RETNLB: variants seen among roughly 807,000 people sequenced by gnomAD.
RETNLB encodes the protein resistin-like beta.
RETNLB carries 11 observed loss-of-function variants against 6.8 expected under a neutral mutation model. The observed-to-expected ratio is 1.62, with a 90% CI of 1.02 to 2.68. The LOEUF is 2.68. Ranked by LOEUF, RETNLB falls within the 30% of genes most tolerant of loss-of-function variation. The pLI, the probability that RETNLB is intolerant of heterozygous loss-of-function variation, is 0.00. For synonymous variants in RETNLB, 57 were observed against 54.2 expected, an observed-to-expected ratio of 1.05 and a Z score of -0.23; for missense variants, 146 against 135.7, an observed-to-expected ratio of 1.08 and a Z score of -0.38.
rs142280306 is a variant in RETNLB, at chr3:108,755,838, G to T, written c.276C>A (p.Thr92=). The T allele has an allele frequency of 3.5e-5, 57 of 1,614,128 alleles. No individual in the cohort carries two copies. Among genetic ancestry groups the T allele is most frequent in the Non-Finnish European group, 4.7e-5 (55 of 1,180,002 alleles). Reference sequence around the variant, plus strand: ...CCACCACACTGCACTGGCAGTGGCAGGTGGTTTCCAGCTGAACATCCCACG... The same window carrying T: ...CCACCACACTGCACTGGCAGTGGCATGTGGTTTCCAGCTGAACATCCCACG... ...CGSWDVQLET[T]CHCQCSVVDW... Residue 92 remains threonine, a synonymous_variant, in exon 3 of 3, where the codon ACC becomes ACA. Coordinates refer to ENST00000295755, the MANE Select transcript of RETNLB (RefSeq NM_032579.3).
In RETNLB at chr3:108,756,016, G is replaced by A. The variant is rs189252198; in HGVS notation, c.209-111C>T. On this transcript the variant is annotated intron_variant, in intron 2 of 2. Transcript: ENST00000295755. ...GCAGTCAGGGGTAGAGCTAGGTTTC[G>A]TGGGGCCTCAAGCTCATTCAATTTT... 536 of 1,231,796 alleles carry A rather than the reference G, an allele frequency of 4.4e-4. 5 individuals carry two copies. Among genetic ancestry groups the A allele is most frequent in the Middle Eastern group, 8.2e-4 (4 of 4,864 alleles). The allele number at this position is 1,231,796 out of a possible 1,614,324, so 76.3% of individuals were successfully genotyped here.
Position 108,755,702 on chromosome 3 carries a change from G to A in RETNLB, c.*76C>T. The A allele has an allele frequency of 6.6e-7, 1 of 1,516,568 alleles. No individual in the cohort carries two copies. The highest frequency in any genetic ancestry group is 9.1e-7 in the Non-Finnish European group (1 of 1,100,526). 93.9% of individuals were successfully genotyped at this position (1,516,568 alleles called of 1,614,324 possible). A position where few individuals can be genotyped will look rare whatever the true frequency, so the allele number is the denominator to read the frequency against. On this transcript the variant is annotated 3_prime_UTR_variant, in exon 3 of 3. Coordinates refer to ENST00000295755, the MANE Select transcript of RETNLB (RefSeq NM_032579.3). Reference sequence around the variant, plus strand: ...ATGGAACAAATGAAGTGGGACGTTTGAGTTAGATTTCTTGGTTGGGACCCT... The same window carrying A: ...ATGGAACAAATGAAGTGGGACGTTTAAGTTAGATTTCTTGGTTGGGACCCT...
Position 108,757,168 on chromosome 3 carries a change from G to T in RETNLB, c.18C>A (p.Cys6Ter). The T allele has an allele frequency of 6.3e-7, 1 of 1,589,530 alleles. No homozygotes were observed. Among genetic ancestry groups the T allele is most frequent in the Non-Finnish European group, 8.6e-7 (1 of 1,161,852 alleles). MGPSS[C>*]LLLILIPLLQ... The stretch of plus-strand genomic sequence containing the variant: ...GAAGGGGGATTAGGATGAGAAGGAG[G>T]CAAGAGGACGGCCCCATCCTGTACA... Residue 6 changes from cysteine (C) to a stop codon, truncating the protein, a stop_gained, in exon 1 of 3, where the codon TGC becomes TGA. Transcript: ENST00000295755. LOFTEE classifies it high-confidence loss of function.
intron 2 of RETNLB, 73 bp from the exon 3 acceptor site, chr3:108,755,978 C>A (rs895823099): frequency 6.3e-7 from 1 of 1,585,920 alleles, no homozygotes. Context: ...CCACAACCAT[C>A]TTTCAACCCT....
chr3:108,757,166 A>G lies in RETNLB; in HGVS notation c.20T>C (p.Leu7Pro). The change falls in exon 1 of 3, where the codon CTC (leucine) becomes CCC (proline). Residue 7 changes from leucine to proline, a missense_variant. Physicochemically the swap from Leu to Pro is moderately conservative, Grantham distance 98. Coordinates refer to ENST00000295755, the MANE Select transcript of RETNLB (RefSeq NM_032579.3). ...GAGAAGGGGGATTAGGATGAGAAGG[A>G]GGCAAGAGGACGGCCCCATCCTGTA... MGPSSC[L>P]LLILIPLLQL... 2 of 1,566,234 alleles carry G rather than the reference A, an allele frequency of 1.3e-6. No individual in the cohort carries two copies. The highest frequency in any genetic ancestry group is 2.3e-5 in the South Asian group (2 of 88,880).
In RETNLB at chr3:108,756,538, T is replaced by G. The variant is rs372494237; in HGVS notation, c.178A>C (p.Ser60Arg). ...GGGCAGGAGGACGGTCTGCCTTGGC[T>G]TTTGACACTAGCACACGAGAGCTTC... ...SKKLSCASVK[S>R]QGRPSSCPAG... is the part of the protein sequence containing the mutation. The change falls in exon 2 of 3, where the codon AGC becomes CGC. Residue 60 changes from serine to arginine, a missense_variant. Physicochemically the swap from Ser to Arg is moderately radical, Grantham distance 110 (BLOSUM62 -1). Transcript: ENST00000295755. 6.2e-7 allele frequency: 1 copy of G among 1,613,480 alleles called. No individual in the cohort carries two copies. Among genetic ancestry groups the G allele is most frequent in the African/African-American group, 1.3e-5 (1 of 74,900 alleles).
chr3:108,757,176 A>G lies in RETNLB; in HGVS notation c.10T>C (p.Ser4Pro). Reference protein sequence around the residue: MGPSSCLLLILIPL... With the variant: MGPPSCLLLILIPL... ...ATTAGGATGAGAAGGAGGCAAGAGG[A>G]CGGCCCCATCCTGTACAGAGTCAGT... Residue 4 changes from serine (S) to proline (P), a missense_variant, in exon 1 of 3, where the codon TCC becomes CCC. Physicochemically the swap from Ser to Pro is moderately conservative, Grantham distance 74 (BLOSUM62 -1). Transcript: ENST00000295755. 1 of 1,613,528 alleles carries G rather than the reference A, an allele frequency of 6.2e-7. No homozygotes were observed. The highest frequency in any genetic ancestry group is 8.5e-7 in the Non-Finnish European group (1 of 1,179,762).
At chr3:108,755,976 A>G in intron 2 of RETNLB, 71 bp from the exon 3 acceptor site, 3 of 1,587,752 alleles carry the variant, frequency 1.9e-6, no homozygotes, top group Non-Finnish European at 2.6e-6. Context: ...ACCCACAACC[A>G]TCTTTCAACC....
rs774050171 is a variant in RETNLB at position 108,756,554 on chromosome 3, C to T, written c.162G>A (p.Ser54=). The T allele has an allele frequency of 8.1e-5, 131 of 1,613,532 alleles. No individual in the cohort carries two copies. The highest frequency in any genetic ancestry group is 1.1e-4 in the Non-Finnish European group (126 of 1,179,516). The change falls in exon 2 of 3, where the codon TCG becomes TCA. Residue 54 remains serine (S), a synonymous_variant. Coordinates refer to ENST00000295755, the MANE Select transcript of RETNLB (RefSeq NM_032579.3). ...TGCCTTGGCTTTTGACACTAGCACA[C>T]GAGAGCTTCTTGCTTATAGGAGAGG... ...YSPSPISKKL[S]CASVKSQGRP...
chr3:108,756,107 A>G (rs1386374257), intron 2 of RETNLB, among the ~76,000 whole-genome samples: 1 of 152,092 alleles, frequency 6.6e-6, no homozygotes, highest in East Asian at 1.9e-4. Context: ...CATGAAAGAG[A>G]CTCATGCAAG....
intron 1 of RETNLB, 39 bp from the exon 2 acceptor site, chr3:108,756,627 T>C: frequency 7.2e-7 from 1 of 1,392,788 alleles, no homozygotes; most frequent in Non-Finnish European, 1.0e-6. Context: ...CCATGAGCTA[T>C]CCTCCCCATA....
chr3:108,756,914 A>G, intron 1 of RETNLB, 145 bp downstream of exon 1: 3 of 923,488 alleles, frequency 3.2e-6, no homozygotes, highest in Non-Finnish European at 4.7e-6. Flanking sequence ...CAAGACTTCA[A>G]ACACGGGTAG....
rs1332449810 is a variant in RETNLB, at chr3:108,757,128, G to T, written c.58C>A (p.Pro20Thr). 6.2e-7 allele frequency: 1 copy of T among 1,612,946 alleles called. No homozygotes were observed. The highest frequency in any genetic ancestry group is 1.3e-5 in the African/African-American group (1 of 74,816). ...TCTAAGGAACACTGAGTACTCCCCGGGTTGATCAGCTGGAGAAGGGGGATT... is the reference window on the plus strand; with the variant it reads ...TCTAAGGAACACTGAGTACTCCCCGTGTTGATCAGCTGGAGAAGGGGGATT... ...ILIPLLQLINPGSTQCSLDSV... is the reference protein window; with the variant it reads ...ILIPLLQLINTGSTQCSLDSV... Residue 20 changes from proline (P) to threonine (T), a missense_variant, in exon 1 of 3, where the codon CCG (proline) becomes ACG (threonine). Physicochemically the swap from Pro to Thr is conservative, Grantham distance 38. Coordinates refer to ENST00000295755, the MANE Select transcript of RETNLB (RefSeq NM_032579.3).
intron 1 of RETNLB, 198 bp downstream of exon 1, chr3:108,756,858 TCTC>T (rs1945253776): frequency 1.6e-6 from 1 of 615,242 alleles, no homozygotes. Context: ...CAGCTACCAT[TCTC>T]CTCCACCTCT....
Position 108,755,792 on chromosome 3 carries a change from A to G in RETNLB, c.322T>C (p.Cys108Arg), listed in dbSNP as rs1945244819. The change falls in exon 3 of 3, where the codon TGC becomes CGC. Residue 108 changes from cysteine to arginine, a missense_variant. Transcript: ENST00000295755. ...SVVDWTTARCCHLT is the reference protein window; with the variant it reads ...SVVDWTTARCRHLT ...CCTCCTCCCTGTCAGGTCAGGTGGC[A>G]GCAGCGGGCAGTGGTCCAGTCCACC... 3.7e-6 allele frequency: 6 copies of G among 1,614,054 alleles called. No homozygotes were observed. The highest frequency in any genetic ancestry group is 4.2e-6 in the Non-Finnish European group (5 of 1,179,912).
At position 108,757,134 on chromosome 3, in the gene RETNLB, T is replaced by G; in HGVS notation, c.52A>C (p.Ile18Leu). The G allele has an allele frequency of 1.3e-6, 2 of 1,588,524 alleles. No individual in the cohort carries two copies. Among genetic ancestry groups the G allele is most frequent in the Non-Finnish European group, 1.7e-6 (2 of 1,157,642 alleles). The change falls in exon 1 of 3, where the codon ATC becomes CTC. Residue 18 changes from isoleucine to leucine, a missense_variant. Ile to Leu is a conservative substitution (Grantham distance 5). Coordinates refer to ENST00000295755, the MANE Select transcript of RETNLB (RefSeq NM_032579.3). ...LLILIPLLQL[I>L]NPGSTQCSLD... ...GAACACTGAGTACTCCCCGGGTTGA[T>G]CAGCTGGAGAAGGGGGATTAGGATG...
In RETNLB at chr3:108,755,863, G is replaced by A. The variant is rs749789641; in HGVS notation, c.251C>T (p.Ser84Leu). ...TGCACGYGCG[S>L]WDVQLETTCH... ...GGTGGTTTCCAGCTGAACATCCCAC[G>A]AACCACAGCCATAGCCACAAGCACA... The change falls in exon 3 of 3, where the codon TCG becomes TTG. Residue 84 changes from serine (S) to leucine (L), a missense_variant. Transcript: ENST00000295755. The A allele has an allele frequency of 4.8e-5, 77 of 1,613,958 alleles. No homozygotes were observed. The highest frequency in any genetic ancestry group is 2.5e-4 in the South Asian group (23 of 91,084).
At chr3:108,756,452 G>A (rs1576500224) in intron 2 of RETNLB, 56 bp downstream of exon 2, 1 of 1,162,044 alleles carries the variant, frequency 8.6e-7, no homozygotes, top group Non-Finnish European at 1.3e-6. Context: ...CAGGGAGATG[G>A]ACAGGGGAGG....
rs376436039 is a variant in RETNLB at position 108,756,481 on chromosome 3, G to A, written c.208+27C>T. On this transcript the variant is annotated intron_variant, in intron 2 of 2. Coordinates refer to ENST00000295755, the MANE Select transcript of RETNLB (RefSeq NM_032579.3). ...GGGGAGGATACAGGGCATCGTAGTC[G>A]CCATTCCCTCTCAGGGAGTTACTCA... is the stretch of plus-strand genomic sequence containing the variant. 5.5e-4 allele frequency: 817 copies of A among 1,479,302 alleles called. 1 individual carries two copies. Among genetic ancestry groups the A allele is most frequent in the Non-Finnish European group, 7.2e-4 (760 of 1,057,092 alleles). 91.6% of individuals were successfully genotyped at this position (1,479,302 alleles called of 1,614,324 possible).
Sources: allele counts gnomAD v4.1 joint callset (sites outside exome capture counted in the v4.1 genomes callset), GRCh38; gene constraint gnomAD v4.1.1; transcripts MANE v1.5; gene names NCBI Gene and HGNC (gene_info 2026-07-23, HGNC 2026-07-21).